Variants in DZIP1 observed in about 807,000 individuals in gnomAD.
The protein encoded by DZIP1 is cilium assembly protein DZIP1.
A neutral mutation model predicts 107.6 loss-of-function variants in DZIP1; 97 were observed. That is an observed-to-expected ratio of 0.90 (90% CI 0.77 to 1.07). DZIP1 has a LOEUF of 1.07. DZIP1 is among the 50% of genes least tolerant of loss of function. DZIP1 has a pLI of 0.00. For missense variants in DZIP1, 1,035 were observed against 1,063.6 expected (o/e 0.97, Z 0.37); for synonymous variants, 390 against 386.4 (o/e 1.01, Z -0.11).
intron 15 of DZIP1, among the ~76,000 whole-genome samples, chr13:95,599,051 G>T (rs951919119): frequency 1.3e-5 from 2 of 152,138 alleles, no homozygotes; most frequent in African/African-American, 4.8e-5. Context: ...CAACACGTGT[G>T]TGTCTATATA....
chr13:95,611,565 G>C, intron 11 of DZIP1, 72 bp from the exon 12 acceptor site: 2 of 1,208,032 alleles, frequency 1.7e-6, no homozygotes. Context: ...ATAATGGACA[G>C]ATAATGTTGT....
chr13:95,612,865 A>G (rs911513503), intron 10 of DZIP1, among the ~76,000 whole-genome samples: 5 of 152,134 alleles, frequency 3.3e-5, no homozygotes, highest in Admixed American at 6.5e-5. Context: ...GATTACAGGT[A>G]TGAGCCACCG....
chr13:95,629,620 CA>C (rs1392512410), intron 7 of DZIP1, among the ~76,000 whole-genome samples: 2 of 152,236 alleles, frequency 1.3e-5, no homozygotes, highest in Admixed American at 1.3e-4. Context: ...ACTCTGCCAG[CA>C]ACCAAATAAG....
At chr13:95,624,474 T>C (rs1010452571) in intron 8 of DZIP1, among the ~76,000 whole-genome samples, 2 of 152,100 alleles carry the variant, frequency 1.3e-5, no homozygotes, top group Non-Finnish European at 2.9e-5. Context: ...AGGGAGGAGT[T>C]TACAGTTCAA....
At chr13:95,643,922 C>T (rs1354859060) in intron 1 of DZIP1, among the ~76,000 whole-genome samples, 2 of 152,208 alleles carry the variant, frequency 1.3e-5, no homozygotes, top group African/African-American at 4.8e-5. Context: ...CCGCTGAGAT[C>T]TGGGCGCAGA....
chr13:95,628,607 T>C (rs1323680342), intron 7 of DZIP1, among the ~76,000 whole-genome samples: 1 of 152,194 alleles, frequency 6.6e-6, no homozygotes, highest in Non-Finnish European at 1.5e-5. Context: ...TCAGTCATAA[T>C]AGTTAAGAAG....
At chr13:95,614,619 A>G (rs1229550903) in intron 10 of DZIP1, among the ~76,000 whole-genome samples, 1 of 152,192 alleles carries the variant, frequency 6.6e-6, no homozygotes. Context: ...ACATAGCCAG[A>G]AATTATTTTG....
chr13:95,584,948 G>T (rs1363364253), intron 21 of DZIP1, 38 bp from the exon 22 acceptor site: 7 of 1,552,192 alleles, frequency 4.5e-6, no homozygotes, highest in Non-Finnish European at 6.1e-6. Flanking sequence ...ATGTTGCTTA[G>T]AAAAAAATGG....
At chr13:95,610,973 A>G (rs778182566) in intron 12 of DZIP1, among the ~76,000 whole-genome samples, 3 of 152,166 alleles carry the variant, frequency 2.0e-5, no homozygotes, top group Non-Finnish European at 4.4e-5. Context: ...CTTTATAAAT[A>G]CCAGTCTGTG....
chr13:95,628,740 A>G (rs1052624546), intron 7 of DZIP1, among the ~76,000 whole-genome samples: 1 of 152,216 alleles, frequency 6.6e-6, no homozygotes, highest in Non-Finnish European at 1.5e-5. Context: ...CAACATAGAT[A>G]AACTTTGAGG....
At chr13:95,601,350 T>G (rs2044613069) in intron 14 of DZIP1, among the ~76,000 whole-genome samples, 1 of 152,140 alleles carries the variant, frequency 6.6e-6, no homozygotes, top group African/African-American at 2.4e-5. Flanking sequence ...ACGTCCCAGA[T>G]CCTGTCCTGA....
Position 95,624,849 on chromosome 13 carries a change from T to G in DZIP1, c.891A>C (p.Leu297=), listed in dbSNP as rs1392924149. 6.2e-7 allele frequency: 1 copy of G among 1,612,722 alleles called. No homozygotes were observed. The highest frequency in any genetic ancestry group is 1.1e-5 in the South Asian group (1 of 90,958). ...DRWKEEEKEK[L]VDEMEKVKEM... ...CCTTGACTTTTTCCATTTCATCAACTAGTTTCTCCTTTTCTTCTTCTTTCC... is the reference window on the plus strand; with the variant it reads ...CCTTGACTTTTTCCATTTCATCAACGAGTTTCTCCTTTTCTTCTTCTTTCC... The change falls in exon 8 of 23, where the codon CTA becomes CTC. Residue 297 remains leucine, a synonymous_variant. Coordinates refer to ENST00000376829, the MANE Select transcript of DZIP1 (RefSeq NM_198968.4).
At chr13:95,623,518 CACAG>C (rs1178981330) in intron 8 of DZIP1, among the ~76,000 whole-genome samples, 1 of 152,234 alleles carries the variant, frequency 6.6e-6, no homozygotes, top group Non-Finnish European at 1.5e-5. Flanking sequence ...ACAAAAATGC[CACAG>C]ACAGAGCGTA....
intron 6 of DZIP1, chr13:95,630,596 G>C (rs1201087264): frequency 5.0e-6 from 3 of 602,498 alleles, no homozygotes; most frequent in Non-Finnish European, 7.1e-6. Flanking sequence ...AGGACTTGGG[G>C]GGCATTCAAA....
intron 22 of DZIP1, among the ~76,000 whole-genome samples, chr13:95,584,311 G>A (rs949978283): frequency 6.7e-6 from 1 of 149,736 alleles, no homozygotes; most frequent in Admixed American, 6.6e-5. Context: ...CAAACAATTT[G>A]GGGGCCACGA....
Position 95,599,368 on chromosome 13 carries a change from T to G in DZIP1, c.1534A>C (p.Lys512Gln). ...EPIEELSEEE[K>Q]GRENEQKLNN... is the part of the protein sequence containing the mutation. Reference sequence around the variant, plus strand: ...ACCTGATCAAGCCCTTTGTTACCTTTTTCTTCCTCTGAAAGTTCTTCTATT... The same window carrying G: ...ACCTGATCAAGCCCTTTGTTACCTTGTTCTTCCTCTGAAAGTTCTTCTATT... The change falls in exon 15 of 23, where the codon AAA (lysine) becomes CAA (glutamine). Residue 512 changes from lysine to glutamine, a missense_variant. Physicochemically the swap from Lys to Gln is moderately conservative, Grantham distance 53. Transcript: ENST00000376829. 3 of 1,613,632 alleles carry G rather than the reference T, an allele frequency of 1.9e-6. No individual in the cohort carries two copies. Among genetic ancestry groups the G allele is most frequent in the Non-Finnish European group, 2.5e-6 (3 of 1,179,646 alleles).
chr13:95,578,212 T>A lies in DZIP1; in HGVS notation c.*4022A>T. On this transcript the variant is annotated 3_prime_UTR_variant, in exon 23 of 23. Coordinates refer to ENST00000376829, the MANE Select transcript of DZIP1 (RefSeq NM_198968.4). ...AATCATTTTCTGTTGTGGCTTTCTA[T>A]AAAAAATAAACAGTTTATTTACAGG... 2.6e-6 allele frequency: 1 copy of A among 389,840 alleles called. No homozygotes were observed. Among genetic ancestry groups the A allele is most frequent in the Non-Finnish European group, 4.6e-6 (1 of 218,566 alleles). The allele number at this position is 389,840 out of a possible 1,614,324, so 24.1% of individuals were successfully genotyped here.
At position 95,582,311 on chromosome 13, in the gene DZIP1, G is replaced by T; in HGVS notation, c.2527C>A (p.Leu843Ile). ...FNPKGPKGEG[L>I]QENESSTLKS... ...AATGTGCTTGATTCATTTTCTTGAAGTCCTGTAAGTGGTGGGTAGAGGCAG... is the reference window on the plus strand; with the variant it reads ...AATGTGCTTGATTCATTTTCTTGAATTCCTGTAAGTGGTGGGTAGAGGCAG... Residue 843 changes from leucine to isoleucine, a missense_variant and splice_region_variant, in exon 23 of 23, where the codon CTT becomes ATT. Physicochemically the swap from Leu to Ile is conservative, Grantham distance 5. Transcript: ENST00000376829. 1 of 1,614,092 alleles carries T rather than the reference G, an allele frequency of 6.2e-7. No individual in the cohort carries two copies. Among genetic ancestry groups the T allele is most frequent in the Non-Finnish European group, 8.5e-7 (1 of 1,179,956 alleles).
intron 14 of DZIP1, among the ~76,000 whole-genome samples, 152 bp downstream of exon 14, chr13:95,605,847 CACAT>C (rs1333971491): frequency 2.6e-5 from 4 of 152,224 alleles, no homozygotes; most frequent in African/African-American, 9.7e-5. Context: ...AACAATATTA[CACAT>C]GAAGACTGCA....
Sources: gnomAD v4.1 joint callset for allele counts (sites outside exome capture counted in the v4.1 genomes callset) on GRCh38, gnomAD v4.1.1 for gene constraint, MANE v1.5 for transcripts, NCBI Gene and HGNC (gene_info 2026-07-23, HGNC 2026-07-21) for gene names.